Variants in IQCM observed in about 807,000 individuals in gnomAD.
IQCM encodes the protein IQ motif containing M, also known as IQ domain-containing protein M.
IQCM carries 45 observed loss-of-function variants against 57.6 expected under a neutral mutation model. The ratio of observed to expected loss-of-function variants is 0.78; its 90% CI spans 0.62 to 1.00. The LOEUF (loss-of-function observed/expected upper bound fraction) is 1.00. Ranked by LOEUF, IQCM falls within the 50% of genes least tolerant of loss-of-function variation. IQCM has a pLI of 0.00. For missense variants in IQCM, 468 were observed against 511.6 expected (o/e 0.91, Z 0.82); for synonymous variants, 148 against 158.9 (o/e 0.93, Z 0.51).
chr4:149,461,051 A>G (rs1738225294), intron 12 of IQCM, among the ~76,000 whole-genome samples: 1 of 152,070 alleles, frequency 6.6e-6, no homozygotes, highest in African/African-American at 2.4e-5. Flanking sequence ...CCTGACAGAC[A>G]TGGAGAAACC....
At position 149,413,403 on chromosome 4, in the gene IQCM, T is replaced by C. The variant is rs530172231; in HGVS notation, c.1390+19993A>G. Among the ~76,000 whole-genome samples, 9 of 152,232 alleles carry C rather than the reference T, an allele frequency of 5.9e-5. No individual in the cohort carries two copies. In the East Asian group the frequency reaches 1.6e-3, roughly 26 times the overall value. ...ATAATGGGAACCTCAGCTAAACCTG[T>C]AGCGGGGAGCAGAGGCTGACGCTGA... On this transcript the variant is annotated intron_variant, in intron 13 of 13. Coordinates refer to ENST00000636793, the MANE Select transcript of IQCM (RefSeq NM_001363507.2).
chr4:149,645,264 CAGA>C (rs1561099218), intron 7 of IQCM, among the ~76,000 whole-genome samples: 1 of 152,094 alleles, frequency 6.6e-6, no homozygotes, highest in South Asian at 2.1e-4. Flanking sequence ...ATTTGATGAA[CAGA>C]AGTTCTTAAT....
intron 2 of IQCM, among the ~76,000 whole-genome samples, chr4:149,786,571 T>C (rs1008223973): frequency 1.6e-4 from 24 of 151,870 alleles, no homozygotes; most frequent in Admixed American, 6.6e-5. Context: ...CCAACAAACA[T>C]ATGAAAAAAG....
chr4:149,659,967 C>A (rs976283092), intron 7 of IQCM, among the ~76,000 whole-genome samples: 4 of 151,550 alleles, frequency 2.6e-5, no homozygotes, highest in African/African-American at 4.8e-5. Flanking sequence ...CAACAAAAGC[C>A]AAAATTGACA....
chr4:149,578,879 G>A (rs770273848), intron 9 of IQCM, among the ~76,000 whole-genome samples: 41 of 151,860 alleles, frequency 2.7e-4, no homozygotes, highest in Non-Finnish European at 4.9e-4. Flanking sequence ...AAGTAGAACT[G>A]TGGACAGTCT....
intron 12 of IQCM, among the ~76,000 whole-genome samples, chr4:149,488,046 CTG>C (rs1281656763): frequency 6.6e-6 from 1 of 151,932 alleles, no homozygotes; most frequent in Non-Finnish European, 1.5e-5. Flanking sequence ...CCATTTTCAT[CTG>C]TGTGTGTTTT....
At chr4:149,805,714 T>C (rs1217638357) in intron 2 of IQCM, among the ~76,000 whole-genome samples, 1 of 152,028 alleles carries the variant, frequency 6.6e-6, no homozygotes, top group African/African-American at 2.4e-5. Flanking sequence ...TGGTTAAATA[T>C]TTCCAATTTC....
intron 13 of IQCM, among the ~76,000 whole-genome samples, chr4:149,385,530 A>C (rs1731365441): frequency 6.6e-6 from 1 of 151,856 alleles, no homozygotes; most frequent in African/African-American, 2.4e-5. Flanking sequence ...TATATAAAAA[A>C]CTCCTGGAAG....
chr4:149,501,988 T>G (rs982795991), intron 12 of IQCM, among the ~76,000 whole-genome samples: 2 of 152,126 alleles, frequency 1.3e-5, no homozygotes, highest in African/African-American at 4.8e-5. Flanking sequence ...TCCTATAACT[T>G]TAGCTCCCTC....
chr4:149,565,897 T>C (rs1162382495), intron 9 of IQCM, among the ~76,000 whole-genome samples: 1 of 152,202 alleles, frequency 6.6e-6, no homozygotes, highest in East Asian at 1.9e-4. Context: ...ATTCATTCTA[T>C]CATTTTCTTT....
intron 12 of IQCM, among the ~76,000 whole-genome samples, chr4:149,484,815 C>G (rs1057344923): frequency 6.6e-6 from 1 of 151,984 alleles, no homozygotes; most frequent in Non-Finnish European, 1.5e-5. Context: ...TTTTTTCTTG[C>G]TCTTTAACAT....
At position 149,664,166 on chromosome 4, in the gene IQCM, C is replaced by G. The variant is rs62340689; in HGVS notation, c.565+17952G>C. On this transcript the variant is annotated intron_variant, in intron 7 of 13. Coordinates refer to ENST00000636793, the MANE Select transcript of IQCM (RefSeq NM_001363507.2). ...TGGTTCTTTTCCATAATATCTATCT[C>G]TTTATTGGATTTCTTGTTCAGATAA... Among the ~76,000 whole-genome samples the G allele has an allele frequency of 5.7e-3, 863 of 152,172 alleles. 3 individuals are homozygous for G. The highest frequency in any genetic ancestry group is 0.01 in the Non-Finnish European group (692 of 68,014).
intron 9 of IQCM, among the ~76,000 whole-genome samples, chr4:149,587,441 T>A (rs1752743379): frequency 6.6e-6 from 1 of 151,722 alleles, no homozygotes; most frequent in African/African-American, 2.4e-5. Context: ...CGCTCTAATC[T>A]CTCTCACAAA....
chr4:149,701,562 C>G (rs1399507508), intron 5 of IQCM, among the ~76,000 whole-genome samples: 1 of 151,966 alleles, frequency 6.6e-6, no homozygotes, highest in Non-Finnish European at 1.5e-5. Context: ...CTCTTGCATG[C>G]ACACACTGAA....
At chr4:149,637,073 G>A (rs1016499651) in intron 7 of IQCM, among the ~76,000 whole-genome samples, 52 of 150,032 alleles carry the variant, frequency 3.5e-4, no homozygotes, top group African/African-American at 1.2e-3. Flanking sequence ...AACCCGGGAA[G>A]CGGAGCTTGC....
intron 12 of IQCM, among the ~76,000 whole-genome samples, chr4:149,501,547 A>C (rs1436246645): frequency 6.6e-6 from 1 of 152,198 alleles, no homozygotes; most frequent in African/African-American, 2.4e-5. Flanking sequence ...AGAATGTAAA[A>C]AAATAAAACA....
At chr4:149,429,929 A>T in intron 13 of IQCM, 2 of 1,072,986 alleles carry the variant, frequency 1.9e-6, no homozygotes, top group Non-Finnish European at 2.4e-6. Flanking sequence ...TGCCACTTGC[A>T]TATTTCCTTT....
chr4:149,366,361 T>C (rs1002594570), intron 13 of IQCM, among the ~76,000 whole-genome samples: 2 of 151,898 alleles, frequency 1.3e-5, no homozygotes, highest in Non-Finnish European at 2.9e-5. Flanking sequence ...AAGAACCCTA[T>C]TTCAATCCTC....
At chr4:149,524,225 A>G (rs1745939235) in intron 12 of IQCM, among the ~76,000 whole-genome samples, 2 of 152,128 alleles carry the variant, frequency 1.3e-5, no homozygotes, top group South Asian at 4.1e-4. Flanking sequence ...AATACAAGTC[A>G]ATTTGGTGGT....
Sources: gnomAD v4.1 joint callset for allele counts (sites outside exome capture counted in the v4.1 genomes callset) on GRCh38, gnomAD v4.1.1 for gene constraint, MANE v1.5 for transcripts, NCBI Gene and HGNC (gene_info 2026-07-23, HGNC 2026-07-21) for gene names.